Variants in PRKN observed in about 807,000 individuals in gnomAD.
The protein encoded by PRKN is E3 ubiquitin-protein ligase parkin.
Under a neutral mutation model 59.5 loss-of-function variants are expected in PRKN, and 56 were observed. The observed-to-expected ratio is 0.94, with a 90% confidence interval of 0.76 to 1.18. The LOEUF (loss-of-function observed/expected upper bound fraction) is 1.18. Among genes scored for constraint, PRKN ranks in the 50% most tolerant of loss-of-function variants. PRKN has a pLI of 0.00. For synonymous variants in PRKN, 250 were observed against 222.1 expected (o/e 1.13, Z -1.12); for missense variants, 657 against 596.4 (o/e 1.10, Z -1.06).
At chr6:162,267,369 C>A (rs937682273) in intron 2 of PRKN, 3 of 151,982 alleles carry the variant, frequency 2.0e-5, no homozygotes, top group Non-Finnish European at 4.4e-5. Context: ...TGGATACAGT[C>A]CAGTTGTACA....
At chr6:162,214,328 TAG>T (rs1343640723) in intron 3 of PRKN, among the ~76,000 whole-genome samples, 1 of 152,130 alleles carries the variant, frequency 6.6e-6, no homozygotes, top group Non-Finnish European at 1.5e-5. Context: ...GTGGTTTCCC[TAG>T]AGAGTCAAGA....
intron 8 of PRKN, among the ~76,000 whole-genome samples, chr6:161,553,308 T>C (rs1330845153): frequency 6.6e-6 from 1 of 152,192 alleles, no homozygotes; most frequent in African/African-American, 2.4e-5. Context: ...AATTGGTCTA[T>C]AGGCTTCATT....
Position 161,998,179 on chromosome 6 carries a change from G to A in PRKN, c.619-24762C>T, listed in dbSNP as rs569197482. ...CCATCTAAGATTTAGTGAGGAAGCAGTAACTATATCACTTTTGGATAGTCT... is the reference window on the plus strand; with the variant it reads ...CCATCTAAGATTTAGTGAGGAAGCAATAACTATATCACTTTTGGATAGTCT... On this transcript the variant is annotated intron_variant, in intron 5 of 11. Coordinates refer to ENST00000366898, the MANE Select transcript of PRKN (RefSeq NM_004562.3). Among the ~76,000 whole-genome samples, 6 of 152,192 alleles carry A rather than the reference G, an allele frequency of 3.9e-5. No homozygotes were observed. In the East Asian group the frequency reaches 1.2e-3, roughly 29 times the overall value.
At chr6:161,587,698 G>A (rs570736002) in intron 7 of PRKN, among the ~76,000 whole-genome samples, 57 of 152,166 alleles carry the variant, frequency 3.7e-4, no homozygotes, top group African/African-American at 1.3e-3. Context: ...CTGGTTACAC[G>A]AGTAAGTTCT....
At chr6:161,697,347 G>C (rs1020611117) in intron 7 of PRKN, among the ~76,000 whole-genome samples, 4 of 152,092 alleles carry the variant, frequency 2.6e-5, no homozygotes, top group African/African-American at 9.7e-5. Context: ...TGTGAATTAC[G>C]TGCTTCCTAT....
chr6:162,176,226 C>T (rs1562560215), intron 4 of PRKN, among the ~76,000 whole-genome samples: 2 of 152,058 alleles, frequency 1.3e-5, no homozygotes, highest in Admixed American at 6.6e-5. Flanking sequence ...ATAAACATCC[C>T]TGAAGAGCCA....
intron 1 of PRKN, among the ~76,000 whole-genome samples, chr6:162,707,447 C>T (rs892462157): frequency 6.6e-6 from 1 of 152,072 alleles, no homozygotes; most frequent in African/African-American, 2.4e-5. Context: ...AAAAAGGACA[C>T]ACATTGTTAG....
At chr6:162,146,350 T>C (rs1196452480) in intron 4 of PRKN, among the ~76,000 whole-genome samples, 1 of 152,048 alleles carries the variant, frequency 6.6e-6, no homozygotes, top group Non-Finnish European at 1.5e-5. Context: ...TTTGTTCAAG[T>C]GTGCTGTAAA....
intron 4 of PRKN, among the ~76,000 whole-genome samples, chr6:162,200,167 C>T (rs1375202987): frequency 6.6e-6 from 1 of 152,140 alleles, no homozygotes; most frequent in Non-Finnish European, 1.5e-5. Flanking sequence ...CTGACTGCCC[C>T]CAGCACTGTG....
chr6:162,650,585 G>A (rs1373203884), intron 1 of PRKN, among the ~76,000 whole-genome samples: 15 of 123,468 alleles, frequency 1.2e-4, no homozygotes, highest in Non-Finnish European at 2.0e-4. Flanking sequence ...GCGACAGAGC[G>A]AGACTCCGTC....
intron 1 of PRKN, among the ~76,000 whole-genome samples, chr6:162,675,865 T>C (rs1779524986): frequency 6.6e-6 from 1 of 152,166 alleles, no homozygotes; most frequent in African/African-American, 2.4e-5. Flanking sequence ...CTAGCAGATA[T>C]TAAAACATAT....
At chr6:161,704,296 T>G (rs1343441324) in intron 7 of PRKN, among the ~76,000 whole-genome samples, 2 of 152,048 alleles carry the variant, frequency 1.3e-5, no homozygotes, top group Admixed American at 6.6e-5. Context: ...TGGACTATTT[T>G]CCCCCCATGA....
rs950531913 is a variant in PRKN, at chr6:161,576,962, G to A, written c.872-7546C>T. ...TTTAGAGAATCTATTAAACAATGTC[G>A]ATGCACGCAAATATACTAAGAATAT... is the stretch of plus-strand genomic sequence containing the variant. On this transcript the variant is annotated intron_variant, in intron 7 of 11. Coordinates refer to ENST00000366898, the MANE Select transcript of PRKN (RefSeq NM_004562.3). This position sits in a 1 kb window ranked among gnomAD's most constrained non-coding sequence, Gnocchi z 4.6. Among the ~76,000 whole-genome samples the A allele has an allele frequency of 1.3e-5, 2 of 152,124 alleles. No homozygotes were observed. The highest frequency in any genetic ancestry group is 4.8e-5 in the African/African-American group (2 of 41,426).
chr6:162,679,901 C>A (rs1158022902), intron 1 of PRKN, among the ~76,000 whole-genome samples: 1 of 152,114 alleles, frequency 6.6e-6, no homozygotes, highest in Non-Finnish European at 1.5e-5. Context: ...TGGGTTAAAG[C>A]CTTAGGGTCA....
intron 1 of PRKN, among the ~76,000 whole-genome samples, chr6:162,473,444 T>G (rs567531567): frequency 6.6e-6 from 1 of 152,230 alleles, no homozygotes; most frequent in East Asian, 1.9e-4. Flanking sequence ...AACATCAAGC[T>G]CCCTATTATA....
At position 161,546,109 on chromosome 6, in the gene PRKN, T is replaced by C. The variant is rs145715697; in HGVS notation, c.1083+2745A>G. On this transcript the variant is annotated intron_variant, in intron 9 of 11. Transcript: ENST00000366898. The surrounding 1 kb of genome is among the most constrained non-coding windows in gnomAD (Gnocchi z 4.4). Reference sequence around the variant, plus strand: ...TGCCATGTAAGCAATCTTCCTTGAATGTTGGGTTTTTGGGTGAGCTTTGGA... The same window carrying C: ...TGCCATGTAAGCAATCTTCCTTGAACGTTGGGTTTTTGGGTGAGCTTTGGA... Among the ~76,000 whole-genome samples the C allele has an allele frequency of 3.1e-4, 47 of 152,334 alleles. No homozygotes were observed. Among genetic ancestry groups the C allele is most frequent in the African/African-American group, 1.1e-3 (47 of 41,590 alleles).
At chr6:162,529,920 G>A (rs567568985) in intron 1 of PRKN, among the ~76,000 whole-genome samples, 141 of 152,158 alleles carry the variant, frequency 9.3e-4, no homozygotes, top group Non-Finnish European at 1.6e-3. Flanking sequence ...ACCCGAGGTC[G>A]GGAGTTCAAG....
At chr6:161,787,174 A>G (rs1439013814) in intron 6 of PRKN, among the ~76,000 whole-genome samples, 2 of 152,230 alleles carry the variant, frequency 1.3e-5, no homozygotes, top group Non-Finnish European at 2.9e-5. Flanking sequence ...AATGAATAAT[A>G]CTAATAATAT....
chr6:162,703,828 T>C (rs1300253187), intron 1 of PRKN, among the ~76,000 whole-genome samples: 1 of 152,236 alleles, frequency 6.6e-6, no homozygotes, highest in Non-Finnish European at 1.5e-5. Context: ...ACCACTGTTT[T>C]AGCTATCAGT....
Sources: allele counts gnomAD v4.1 joint callset (sites outside exome capture counted in the v4.1 genomes callset), GRCh38; gene constraint gnomAD v4.1.1; non-coding constraint Gnocchi (gnomAD v3.1); transcripts MANE v1.5; gene names NCBI Gene and HGNC (gene_info 2026-07-23, HGNC 2026-07-21).